The following ATAD3B variants were observed in gnomAD, a reference collection of about 807,000 sequenced individuals.
The protein encoded by ATAD3B is ATPase family AAA domain-containing protein 3B.
Under a neutral mutation model 70.2 loss-of-function variants are expected in ATAD3B, and 59 were observed. The ratio of observed to expected loss-of-function variants is 0.84; its 90% CI spans 0.68 to 1.04. The LOEUF (loss-of-function observed/expected upper bound fraction) is 1.04. Ranked by LOEUF, ATAD3B falls within the 50% of genes least tolerant of loss-of-function variation. The pLI, the probability that ATAD3B is intolerant of heterozygous loss-of-function variation, is 0.00. For synonymous variants in ATAD3B, 423 were observed against 388.6 expected (o/e 1.09, Z -1.04); for missense variants, 961 against 913.4 (o/e 1.05, Z -0.67).
chr1:1,487,839 G>C lies in ATAD3B; in HGVS notation c.1215-24G>C, dbSNP rs753808119. The C allele has an allele frequency of 2.2e-5, 35 of 1,612,130 alleles. 1 individual carries two copies. The Middle Eastern group carries it at 6.9e-4, about 32-fold the overall frequency. ...CTGCTCCTGGCGTCACTCTCGCCTT[G>C]CTTGGCCTCTCTCTCGTTCACAGCC... On this transcript the variant is annotated intron_variant, in intron 11 of 15. Coordinates refer to ENST00000673477, the MANE Select transcript of ATAD3B (RefSeq NM_031921.6).
At chr1:1,483,100 C>T (rs771164648) in intron 7 of ATAD3B, 6 of 451,876 alleles carry the variant, frequency 1.3e-5, no homozygotes, top group Admixed American at 4.8e-5. Context: ...CGAGATCATC[C>T]TGGTAAGAGT....
intron 13 of ATAD3B, chr1:1,489,837 G>A (rs1316526298): frequency 8.1e-7 from 1 of 1,239,384 alleles, no homozygotes; most frequent in Non-Finnish European, 1.0e-6. Context: ...GCAAGGCTGG[G>A]GCCCTGCTGA....
intron 12 of ATAD3B, among the ~76,000 whole-genome samples, chr1:1,488,866 C>G (rs1472303057): frequency 6.6e-6 from 1 of 151,784 alleles, no homozygotes; most frequent in Non-Finnish European, 1.5e-5. Flanking sequence ...TATTTTTTAG[C>G]AATTCTCATG....
chr1:1,489,283 G>C lies in ATAD3B; in HGVS notation c.1337+9G>C. Reference sequence around the variant, plus strand: ...GGCCAACACAGCAACAAGTGAGGGAGCCCCTCGGGTCCTGAGCCCCCGGGC... The same window carrying C: ...GGCCAACACAGCAACAAGTGAGGGACCCCCTCGGGTCCTGAGCCCCCGGGC... On this transcript the variant is annotated intron_variant, in intron 13 of 15. Coordinates refer to ENST00000673477, the MANE Select transcript of ATAD3B (RefSeq NM_031921.6). 1 of 1,613,406 alleles carries C rather than the reference G, an allele frequency of 6.2e-7. No individual in the cohort carries two copies. Among genetic ancestry groups the C allele is most frequent in the Non-Finnish European group, 8.5e-7 (1 of 1,179,608 alleles).
chr1:1,476,571 C>G (rs921535065), intron 1 of ATAD3B, among the ~76,000 whole-genome samples: 1 of 151,452 alleles, frequency 6.6e-6, no homozygotes, highest in African/African-American at 2.4e-5. Flanking sequence ...TGCATTGCTT[C>G]GATCTCTGCT....
At chr1:1,505,168 AGT>A in the ATAD3B span, among the ~76,000 whole-genome samples, 7 of 151,918 alleles carry the variant, frequency 4.6e-5, no homozygotes, top group Admixed American at 4.6e-4. Context: ...CAGGATAAGG[AGT>A]GTGAGCCATC....
chr1:1,503,523 G>T, the ATAD3B span: 1 of 1,537,778 alleles, frequency 6.5e-7, no homozygotes, highest in Non-Finnish European at 8.8e-7. Context: ...GGCTGGTGTG[G>T]TGCCTGCCCA....
At chr1:1,491,261 C>T (rs965714230) in intron 15 of ATAD3B, among the ~76,000 whole-genome samples, 8 of 151,980 alleles carry the variant, frequency 5.3e-5, no homozygotes, top group Non-Finnish European at 1.0e-4. Flanking sequence ...TCAGGCCGGG[C>T]GCGGTGGCTC....
chr1:1,495,163 C>T (rs1640716295), intron 15 of ATAD3B, among the ~76,000 whole-genome samples: 1 of 152,064 alleles, frequency 6.6e-6, no homozygotes, highest in South Asian at 2.1e-4. Context: ...CTGAGACTCG[C>T]AGAGGGTCTG....
At chr1:1,482,802 G>A in intron 7 of ATAD3B, 188 bp downstream of exon 7, 2 of 907,030 alleles carry the variant, frequency 2.2e-6, no homozygotes, top group Non-Finnish European at 3.4e-6. Context: ...AAAAAATGCA[G>A]TTGCCAGCCT....
rs1640779117 is a variant in ATAD3B, at chr1:1,496,036, C to T, written c.*219C>T. On this transcript the variant is annotated 3_prime_UTR_variant, in exon 16 of 16. Transcript: ENST00000673477. ...CACAGCAGAGCCAGGTGAGGGGGGG[C>T]CTGCCAGGACTAGACAGAAGTGGGG... 1 of 1,328,324 alleles carries T rather than the reference C, an allele frequency of 7.5e-7. No individual in the cohort carries two copies. Among genetic ancestry groups the T allele is most frequent in the African/African-American group, 1.5e-5 (1 of 67,828 alleles). 82.3% of individuals were successfully genotyped at this position (1,328,324 alleles called of 1,614,324 possible).
In ATAD3B at chr1:1,471,774, G is replaced by C. The variant is rs964253383; in HGVS notation, c.-111G>C. The C allele has an allele frequency of 3.3e-6, 4 of 1,208,750 alleles. No individual in the cohort carries two copies. The highest frequency in any genetic ancestry group is 3.2e-5 in the African/African-American group (2 of 63,310). 74.9% of individuals were successfully genotyped at this position (1,208,750 alleles called of 1,614,324 possible). On this transcript the variant is annotated 5_prime_UTR_variant, in exon 1 of 16. Coordinates refer to ENST00000673477, the MANE Select transcript of ATAD3B (RefSeq NM_031921.6). ...GGAGGAAGGGGTGTGTGTTTCGCCTGCGCAGTGGTCCTGGCCACCGGCTCG... is the reference window on the plus strand; with the variant it reads ...GGAGGAAGGGGTGTGTGTTTCGCCTCCGCAGTGGTCCTGGCCACCGGCTCG...
chr1:1,471,992 T>G lies in ATAD3B; in HGVS notation c.108T>G (p.Gly36=), dbSNP rs188574574. The G allele has an allele frequency of 2.4e-4, 301 of 1,238,510 alleles. 2 individuals are homozygous for G. The highest frequency in any genetic ancestry group is 9.5e-4 in the Middle Eastern group (3 of 3,168). The allele number at this position is 1,238,510 out of a possible 1,614,324, so 76.7% of individuals were successfully genotyped here. Residue 36 remains glycine, a synonymous_variant, in exon 1 of 16, where the codon GGT becomes GGG. Transcript: ENST00000673477. ...QPGAEGGGDR[G]LGDRPAPKDK... ...GGGCCGAGGGCGGCGGGGACCGCGG[T>G]TTGGGAGACCGGCCGGCGCCCAAGG...
downstream of ATAD3B, among the ~76,000 whole-genome samples, chr1:1,499,761 A>C (rs547557346): frequency 6.7e-6 from 1 of 148,728 alleles, no homozygotes; most frequent in African/African-American, 2.5e-5. Context: ...AGCCCGGCTA[A>C]TTTTGTATTT....
In ATAD3B at chr1:1,495,537, C is replaced by T. The variant is rs1640741077; in HGVS notation, c.1667C>T (p.Ala556Val). 1 of 1,612,690 alleles carries T rather than the reference C, an allele frequency of 6.2e-7. No homozygotes were observed. Among genetic ancestry groups the T allele is most frequent in the Admixed American group, 1.7e-5 (1 of 59,952 alleles). The change falls in exon 16 of 16, where the codon GCC (alanine) becomes GTC (valine). Residue 556 changes from alanine to valine, a missense_variant. Around this residue, in one of 4 missense-constraint regions of ATAD3B, gnomAD observed 417 missense variants for 335.0 expected, o/e 1.24. Coordinates refer to ENST00000673477, the MANE Select transcript of ATAD3B (RefSeq NM_031921.6). ...DGVLTEAMMD[A>V]CVQDAVQQYR... ...GTCCTCACTGAGGCCATGATGGACG[C>T]CTGTGTGCAAGATGCTGTCCAGCAG...
At chr1:1,508,750 C>T in the ATAD3B span, among the ~76,000 whole-genome samples, 1 of 151,118 alleles carries the variant, frequency 6.6e-6, no homozygotes, top group Non-Finnish European at 1.5e-5. Context: ...GCAGGGGTGG[C>T]CTTGGTGCCA....
At position 1,490,110 on chromosome 1, in the gene ATAD3B, T is replaced by C. The variant is rs111984006; in HGVS notation, c.1338-147T>C. On this transcript the variant is annotated intron_variant, in intron 13 of 15. Coordinates refer to ENST00000673477, the MANE Select transcript of ATAD3B (RefSeq NM_031921.6). ...GCAGGCGGGTGACCAGGGCTGTGGCTGCGTTCTCCCCATGTTTCCTGTGCT... is the reference window on the plus strand; with the variant it reads ...GCAGGCGGGTGACCAGGGCTGTGGCCGCGTTCTCCCCATGTTTCCTGTGCT... 15,180 of 1,437,628 alleles carry C rather than the reference T, an allele frequency of 0.011. 1,407 individuals carry two copies. The African/African-American group carries it at 0.19, about 18-fold the overall frequency. 89.1% of individuals were successfully genotyped at this position (1,437,628 alleles called of 1,614,324 possible).
chr1:1,490,082 C>T, intron 13 of ATAD3B, 175 bp from the exon 14 acceptor site: 5 of 1,421,522 alleles, frequency 3.5e-6, no homozygotes, highest in South Asian at 1.5e-5. Flanking sequence ...CGTGGTGGGG[C>T]AGGCAGGCGG....
In ATAD3B at chr1:1,493,181, G is replaced by A. The variant is rs541851890; in HGVS notation, c.1615-2304G>A. On this transcript the variant is annotated intron_variant, in intron 15 of 15. Transcript: ENST00000673477. ...TACATGTAGCATTTTCTACACATAA[G>A]ATTATGTCACCTGAGAACAGGTGAT... is the stretch of plus-strand genomic sequence containing the variant. Among the ~76,000 whole-genome samples, 152 of 152,038 alleles carry A rather than the reference G, an allele frequency of 1.0e-3. 1 individual carries two copies. Among genetic ancestry groups the A allele is most frequent in the African/African-American group, 3.5e-3 (147 of 41,520 alleles).
Sources: gnomAD v4.1 joint callset for allele counts (sites outside exome capture counted in the v4.1 genomes callset) on GRCh38, gnomAD v4.1.1 for gene constraint, gnomAD v4.1.1 regional missense constraint, MANE v1.5 for transcripts, NCBI Gene and HGNC (gene_info 2026-07-23, HGNC 2026-07-21) for gene names.